Variants in HVCN1 observed in about 807,000 individuals in gnomAD.
HVCN1 encodes hydrogen voltage gated channel 1, also known as voltage-gated hydrogen channel 1.
HVCN1 carries 14 observed loss-of-function variants against 29.2 expected under a neutral mutation model. The ratio of observed to expected loss-of-function variants is 0.48; its 90% CI spans 0.32 to 0.75. The LOEUF (loss-of-function observed/expected upper bound fraction) is 0.75. HVCN1 is among the 30% of genes least tolerant of loss of function. HVCN1 has a pLI of 0.04. For synonymous variants in HVCN1, 131 were observed against 133.2 expected, an observed-to-expected ratio of 0.98 and a Z score of 0.11; for missense variants, 263 against 341.8, an observed-to-expected ratio of 0.77 and a Z score of 1.82.
At chr12:110,655,728 A>C (rs1419223825) in intron 4 of HVCN1, among the ~76,000 whole-genome samples, 1 of 146,114 alleles carries the variant, frequency 6.8e-6, no homozygotes, top group Admixed American at 6.9e-5. Context: ...TTTTTGAGAC[A>C]GAGTCTTGTT....
At chr12:110,692,093 C>A (rs2069416578), upstream of HVCN1, among the ~76,000 whole-genome samples, 1 of 152,178 alleles carries the variant, frequency 6.6e-6, no homozygotes. Flanking sequence ...ATTTGACCTG[C>A]AGTAGGTACT....
chr12:110,668,239 C>T (rs1453494951), intron 3 of HVCN1, among the ~76,000 whole-genome samples: 3 of 152,226 alleles, frequency 2.0e-5, no homozygotes, highest in East Asian at 3.8e-4. Context: ...TGGTGACTCA[C>T]ATCTGCAATC....
intron 3 of HVCN1, among the ~76,000 whole-genome samples, chr12:110,668,784 G>A (rs181615424): frequency 3.9e-5 from 6 of 152,210 alleles, no homozygotes; most frequent in East Asian, 1.9e-4. Flanking sequence ...GCTCCTCTGC[G>A]GTCACCTTTC....
At position 110,661,148 on chromosome 12, in the gene HVCN1, C is replaced by A; in HGVS notation, c.306+16G>T. On this transcript the variant is annotated intron_variant, in intron 4 of 7. Coordinates refer to ENST00000242607, the MANE Select transcript of HVCN1 (RefSeq NM_032369.4). This position sits in a 1 kb window ranked among gnomAD's most constrained non-coding sequence, Gnocchi z 6.2. ...TCCTGCCAGCTCTGGGTATCCCGGA[C>A]TCCTGCCCCACCTACCTGAAACCTG... 6.3e-7 allele frequency: 1 copy of A among 1,580,162 alleles called. No individual in the cohort carries two copies. The highest frequency in any genetic ancestry group is 8.6e-7 in the Non-Finnish European group (1 of 1,160,482).
chr12:110,668,009 G>A (rs1351560223), intron 3 of HVCN1, among the ~76,000 whole-genome samples: 5 of 152,124 alleles, frequency 3.3e-5, no homozygotes, highest in African/African-American at 1.2e-4. Context: ...GCAAAGATAG[G>A]GTTGATCAAG....
chr12:110,673,037 G>A (rs2068636379), intron 3 of HVCN1, among the ~76,000 whole-genome samples: 1 of 152,212 alleles, frequency 6.6e-6, no homozygotes, highest in Admixed American at 6.5e-5. Context: ...TTGGAACTGG[G>A]TATCAGGCAG....
At chr12:110,663,587 CAAAAAAAAAAAA>C (rs1182792368) in intron 3 of HVCN1, among the ~76,000 whole-genome samples, 9 of 25,808 alleles carry the variant, frequency 3.5e-4, no homozygotes, top group Non-Finnish European at 4.8e-4. Flanking sequence ...GACGCTGTCT[CAAAAAAAAAAAA>C]AAAAAAAAAA....
chr12:110,659,248 G>A (rs2068086729), intron 4 of HVCN1, among the ~76,000 whole-genome samples: 1 of 152,066 alleles, frequency 6.6e-6, no homozygotes, highest in African/African-American at 2.4e-5. Context: ...CAATGGAAGA[G>A]GCAAGGGCTA....
At chr12:110,657,789 C>T (rs1027929570) in intron 4 of HVCN1, among the ~76,000 whole-genome samples, 43 of 152,112 alleles carry the variant, frequency 2.8e-4, no homozygotes, top group African/African-American at 1.0e-3. Flanking sequence ...CTTAGGGGAA[C>T]CAGGTCACAA....
rs2068745722 is a variant in HVCN1, at chr12:110,676,169, T to C, written c.21+7056A>G. On this transcript the variant is annotated intron_variant, in intron 3 of 7. Coordinates refer to ENST00000242607, the MANE Select transcript of HVCN1 (RefSeq NM_032369.4). The surrounding 1 kb of genome is among the most constrained non-coding windows in gnomAD (Gnocchi z 4.1). Reference sequence around the variant, plus strand: ...TAGCCCTGTCCAGCATTAAGCCTGGTGCATTTCAGCAACTAAATGACCCCT... The same window carrying C: ...TAGCCCTGTCCAGCATTAAGCCTGGCGCATTTCAGCAACTAAATGACCCCT... 6.6e-6 allele frequency among the ~76,000 whole-genome samples: 1 copy of C among 152,180 alleles called. No homozygotes were observed. Among genetic ancestry groups the C allele is most frequent in the Admixed American group, 6.5e-5 (1 of 15,274 alleles).
At position 110,661,384 on chromosome 12, in the gene HVCN1, G is replaced by A. The variant is rs1310338299; in HGVS notation, c.86C>T (p.Thr29Met). 6.2e-7 allele frequency: 1 copy of A among 1,614,198 alleles called. No individual in the cohort carries two copies. The highest frequency in any genetic ancestry group is 8.5e-7 in the Non-Finnish European group (1 of 1,180,026). Residue 29 changes from threonine (T) to methionine (M), a missense_variant, in exon 4 of 8, where the codon ACG (threonine) becomes ATG (methionine). This residue lies in a region of HVCN1 where 157 missense variants were observed against 181.3 expected (regional missense o/e 0.87). Coordinates refer to ENST00000242607, the MANE Select transcript of HVCN1 (RefSeq NM_032369.4). The surrounding 1 kb of genome is among the most constrained non-coding windows in gnomAD (Gnocchi z 6.2). ...ERMSKFLRHF[T>M]VVGDDYHAWN... ...GGCATGGTAGTCGTCTCCCACGACC[G>A]TGAAGTGCCTTAAGAACTTGCTCAT...
intron 3 of HVCN1, 52 bp downstream of exon 3, chr12:110,683,173 C>G (rs1028641407): frequency 6.2e-7 from 1 of 1,612,930 alleles, no homozygotes. Flanking sequence ...ACAGAATTAT[C>G]CTCTCAAGGC....
Position 110,661,239 on chromosome 12 carries a change from G to A in HVCN1, c.231C>T (p.Ala77=), listed in dbSNP as rs778702896. The A allele has an allele frequency of 1.2e-6, 2 of 1,614,068 alleles. No homozygotes were observed. Among genetic ancestry groups the A allele is most frequent in the Non-Finnish European group, 8.5e-7 (1 of 1,179,932 alleles). The part of the protein sequence containing the change: ...GRAAAPDVAP[A]PGPAPRAPLD... ...GGGGGGCCCTGGGTGCGGGGCCAGG[G>A]GCAGGGGCAACGTCAGGGGCTGCAG... The change falls in exon 4 of 8, where the codon GCC becomes GCT. Residue 77 remains alanine, a synonymous_variant. Transcript: ENST00000242607. The surrounding 1 kb of genome is among the most constrained non-coding windows in gnomAD (Gnocchi z 6.2).
chr12:110,671,488 C>A (rs532894685), intron 3 of HVCN1, among the ~76,000 whole-genome samples: 53 of 152,230 alleles, frequency 3.5e-4, no homozygotes, highest in African/African-American at 1.3e-3. Context: ...GCCAGTCCTG[C>A]CAACACCTTG....
intron 3 of HVCN1, among the ~76,000 whole-genome samples, chr12:110,682,165 A>G (rs1486593097): frequency 1.3e-5 from 2 of 151,546 alleles, no homozygotes; most frequent in African/African-American, 2.4e-5. Context: ...TTTTTGTACT[A>G]TTAGTAGAGA....
intron 2 of HVCN1, among the ~76,000 whole-genome samples, chr12:110,696,116 C>A (rs2069486206): frequency 6.6e-6 from 1 of 151,462 alleles, no homozygotes; most frequent in African/African-American, 2.4e-5. Context: ...CCATGCTCAG[C>A]TAATTTTTTT....
intron 6 of HVCN1, 141 bp from the exon 7 acceptor site, chr12:110,650,421 C>A: frequency 3.4e-6 from 2 of 590,686 alleles, no homozygotes; most frequent in Non-Finnish European, 6.2e-6. Context: ...GGCATCAGAA[C>A]TGGGAGGTCA....
intron 4 of HVCN1, among the ~76,000 whole-genome samples, chr12:110,660,683 A>C (rs77949921): frequency 2.0e-5 from 3 of 152,144 alleles, no homozygotes; most frequent in Admixed American, 2.0e-4. Flanking sequence ...GAACATTTTC[A>C]TCTCCTCAAA....
At chr12:110,695,756 T>C (rs1411917787) in intron 2 of HVCN1, among the ~76,000 whole-genome samples, 5 of 152,152 alleles carry the variant, frequency 3.3e-5, no homozygotes, top group African/African-American at 1.2e-4. Flanking sequence ...GAGAACAGCA[T>C]GTGCGAAGGG....
Sources: gnomAD v4.1 joint callset for allele counts (sites outside exome capture counted in the v4.1 genomes callset) on GRCh38, gnomAD v4.1.1 for gene constraint, gnomAD v4.1.1 regional missense constraint, Gnocchi (gnomAD v3.1) non-coding constraint, MANE v1.5 for transcripts, NCBI Gene and HGNC (gene_info 2026-07-23, HGNC 2026-07-21) for gene names.